SESTD1: variants seen among roughly 807,000 people sequenced by gnomAD.
SESTD1 encodes the protein SEC14 domain and spectrin repeat-containing protein 1.
Under a neutral mutation model 101.7 loss-of-function variants are expected in SESTD1, and 43 were observed. That is an observed-to-expected ratio of 0.42 (90% CI 0.33 to 0.55). The LOEUF (loss-of-function observed/expected upper bound fraction) is 0.55, where lower values mean the gene tolerates loss of function less well. Ranked by LOEUF, SESTD1 falls within the 20% of genes least tolerant of loss-of-function variation. The pLI is 0.07. For missense variants in SESTD1, 647 were observed against 815.1 expected (o/e 0.79, Z 2.51); for synonymous variants, 283 against 286.8 (o/e 0.99, Z 0.13).
chr2:179,155,853 A>G (rs985084623), intron 5 of SESTD1, among the ~76,000 whole-genome samples: 3 of 152,106 alleles, frequency 2.0e-5, no homozygotes, highest in Admixed American at 1.3e-4. Flanking sequence ...AGCAGTATAC[A>G]CTGCAGCATA....
chr2:179,142,024 T>C (rs2045290059), intron 9 of SESTD1, among the ~76,000 whole-genome samples: 1 of 152,212 alleles, frequency 6.6e-6, no homozygotes, highest in African/African-American at 2.4e-5. Flanking sequence ...CAAATCTTTT[T>C]TTCCCATGAC....
At chr2:179,254,897 T>G (rs1392491752) in intron 1 of SESTD1, among the ~76,000 whole-genome samples, 1 of 152,248 alleles carries the variant, frequency 6.6e-6, no homozygotes. Context: ...ATGTGTTCAT[T>G]TTGTGTTTCT....
chr2:179,209,226 A>G (rs2046622866), intron 1 of SESTD1, among the ~76,000 whole-genome samples: 1 of 134,652 alleles, frequency 7.4e-6, no homozygotes, highest in Admixed American at 7.2e-5. Flanking sequence ...TTATAAAACA[A>G]TTACTACTAG....
intron 1 of SESTD1, among the ~76,000 whole-genome samples, chr2:179,233,320 A>T (rs889648162): frequency 2.6e-5 from 4 of 152,224 alleles, no homozygotes; most frequent in African/African-American, 9.6e-5. Flanking sequence ...AAATAAGTAA[A>T]TATACTGTGA....
At chr2:179,204,873 T>C (rs1224149218) in intron 1 of SESTD1, among the ~76,000 whole-genome samples, 2 of 133,670 alleles carry the variant, frequency 1.5e-5, no homozygotes, top group Admixed American at 7.3e-5. Context: ...CTATGGGATG[T>C]TCCCCCAGAA....
chr2:179,224,489 T>G (rs1257989881), intron 1 of SESTD1, among the ~76,000 whole-genome samples: 2 of 152,212 alleles, frequency 1.3e-5, no homozygotes, highest in African/African-American at 2.4e-5. Context: ...CTCATACAAC[T>G]CTTGCAATCT....
At chr2:179,238,632 C>A (rs1048988738) in intron 1 of SESTD1, among the ~76,000 whole-genome samples, 2 of 152,060 alleles carry the variant, frequency 1.3e-5, no homozygotes, top group African/African-American at 4.8e-5. Flanking sequence ...CAATAAATTA[C>A]TATGTGTAGG....
intron 1 of SESTD1, among the ~76,000 whole-genome samples, chr2:179,192,286 T>C (rs1361513314): frequency 4.6e-5 from 7 of 152,212 alleles, no homozygotes; most frequent in African/African-American, 1.7e-4. Context: ...CAATCTTCCT[T>C]TGTGTTCCTT....
chr2:179,183,193 T>G lies in SESTD1; in HGVS notation c.56-5A>C, dbSNP rs1414657992. Reference sequence around the variant, plus strand: ...CACTCCGTCTGTCTTTTCCTCCTATTAAAAAAGAGATTTAAATTTAACATG... The same window carrying G: ...CACTCCGTCTGTCTTTTCCTCCTATGAAAAAAGAGATTTAAATTTAACATG... On this transcript the variant is annotated splice_polypyrimidine_tract_variant and splice_region_variant and intron_variant, in intron 2 of 17. Coordinates refer to ENST00000428443, the MANE Select transcript of SESTD1 (RefSeq NM_178123.5). 2.5e-6 allele frequency: 4 copies of G among 1,577,318 alleles called. No individual in the cohort carries two copies. The Admixed American group carries it at 5.2e-5, about 20-fold the overall frequency.
intron 1 of SESTD1, among the ~76,000 whole-genome samples, chr2:179,204,443 G>C (rs535322398): frequency 7.4e-6 from 1 of 134,348 alleles, no homozygotes; most frequent in East Asian, 2.0e-4. Context: ...ATACCTTATA[G>C]CTTAACAACG....
At position 179,202,337 on chromosome 2, in the gene SESTD1, T is replaced by C. The variant is rs765229526; in HGVS notation, c.-25-10471A>G. 5.2e-4 allele frequency among the ~76,000 whole-genome samples: 70 copies of C among 134,432 alleles called. 12 individuals carry two copies. The highest frequency in any genetic ancestry group is 9.9e-4 in the Non-Finnish European group (62 of 62,660). The allele number at this position is 134,432 out of a possible 152,430, so 88.2% of individuals were successfully genotyped here. A position where few individuals can be genotyped will look rare whatever the true frequency, so the allele number is the denominator to read the frequency against. ...CCAGTTTTTGTCACCTCCTGTCACA[T>C]TTTCCTCCAATTCTAACTGTTATTA... On this transcript the variant is annotated intron_variant, in intron 1 of 17. Coordinates refer to ENST00000428443, the MANE Select transcript of SESTD1 (RefSeq NM_178123.5).
At chr2:179,256,756 G>A (rs2047399514) in intron 1 of SESTD1, among the ~76,000 whole-genome samples, 1 of 148,150 alleles carries the variant, frequency 6.7e-6, no homozygotes, top group Non-Finnish European at 1.5e-5. Flanking sequence ...AGGTTGCAGT[G>A]AGCTGAGATC....
intron 5 of SESTD1, among the ~76,000 whole-genome samples, chr2:179,153,209 C>T (rs1220743058): frequency 6.6e-6 from 1 of 152,134 alleles, no homozygotes; most frequent in Admixed American, 6.6e-5. Context: ...ACAATACCTA[C>T]AACCAATGAA....
At chr2:179,193,328 G>A (rs2046345304) in intron 1 of SESTD1, among the ~76,000 whole-genome samples, 1 of 152,164 alleles carries the variant, frequency 6.6e-6, no homozygotes, top group Non-Finnish European at 1.5e-5. Flanking sequence ...AAGTTCCCTT[G>A]AATATTTGCG....
intron 9 of SESTD1, among the ~76,000 whole-genome samples, chr2:179,137,643 A>G (rs1392578463): frequency 6.6e-6 from 1 of 152,262 alleles, no homozygotes; most frequent in Non-Finnish European, 1.5e-5. Flanking sequence ...CAGCAGCAGC[A>G]GTATGGAGAA....
At chr2:179,192,747 G>C (rs1245009039) in intron 1 of SESTD1, among the ~76,000 whole-genome samples, 1 of 152,216 alleles carries the variant, frequency 6.6e-6, no homozygotes, top group African/African-American at 2.4e-5. Flanking sequence ...TTTAAGGAGA[G>C]CAGGACCTTT....
chr2:179,128,152 T>C (rs1417021770), intron 10 of SESTD1, among the ~76,000 whole-genome samples: 1 of 152,206 alleles, frequency 6.6e-6, no homozygotes, highest in East Asian at 1.9e-4. Flanking sequence ...CAAGCATCTC[T>C]GATGACTCTT....
At chr2:179,159,503 G>C (rs2045693180) in intron 5 of SESTD1, among the ~76,000 whole-genome samples, 1 of 152,116 alleles carries the variant, frequency 6.6e-6, no homozygotes, top group Non-Finnish European at 1.5e-5. Flanking sequence ...AGTAGAACTG[G>C]AATGCTGAAA....
chr2:179,158,314 T>A (rs1312163859), intron 5 of SESTD1, among the ~76,000 whole-genome samples: 1 of 152,200 alleles, frequency 6.6e-6, no homozygotes, highest in Non-Finnish European at 1.5e-5. Context: ...TCTTGTCCAA[T>A]GAAGAGCTCT....
Sources: gnomAD v4.1 joint callset for allele counts (sites outside exome capture counted in the v4.1 genomes callset) on GRCh38, gnomAD v4.1.1 for gene constraint, MANE v1.5 for transcripts, NCBI Gene and HGNC (gene_info 2026-07-23, HGNC 2026-07-21) for gene names.